Variants in ARHGEF38 observed in about 807,000 individuals in gnomAD.
ARHGEF38 encodes the protein Rho guanine nucleotide exchange factor 38, also known as Rho guanine nucleotide exchange factor (GEF) 38.
A neutral mutation model predicts 79.9 loss-of-function variants in ARHGEF38; 79 were observed. The observed-to-expected ratio is 0.99, with a 90% confidence interval of 0.82 to 1.19. The LOEUF (loss-of-function observed/expected upper bound fraction) is 1.19. Among genes scored for constraint, ARHGEF38 ranks in the 50% most tolerant of loss-of-function variants. ARHGEF38 has a pLI of 0.00. For synonymous variants in ARHGEF38, 366 were observed against 328.3 expected (o/e 1.11, Z -1.24); for missense variants, 962 against 907.2 (o/e 1.06, Z -0.78).
intron 1 of ARHGEF38, among the ~76,000 whole-genome samples, chr4:105,574,639 A>G (rs1342595044): frequency 2.0e-5 from 3 of 151,708 alleles, no homozygotes; most frequent in Non-Finnish European, 2.9e-5. Context: ...TTCACCATTA[A>G]GTATGATGTT....
chr4:105,650,552 G>A (rs1396937053), intron 7 of ARHGEF38, among the ~76,000 whole-genome samples: 1 of 152,160 alleles, frequency 6.6e-6, no homozygotes, highest in African/African-American at 2.4e-5. Context: ...TCCCAACAGA[G>A]GTTCTGGTCT....
At position 105,613,347 on chromosome 4, in the gene ARHGEF38, T is replaced by TTGA. The variant is rs748906837; in HGVS notation, c.385-37_385-36insTGA. 47 of 1,604,542 alleles carry TTGA rather than the reference T, an allele frequency of 2.9e-5. No individual in the cohort carries two copies. In the African/African-American group the frequency reaches 5.6e-4, roughly 19 times the overall value. On this transcript the variant is annotated intron_variant, in intron 2 of 13. Transcript: ENST00000420470. ...GGAGGAGAAAACATCCTAAATACAGTGCTTCTCCATCAGCTCAATGTTTTT... is the reference window on the plus strand; with the variant it reads ...GGAGGAGAAAACATCCTAAATACAGTTGAGCTTCTCCATCAGCTCAATGTTTTT...
intron 1 of ARHGEF38, among the ~76,000 whole-genome samples, chr4:105,586,840 C>T (rs1460117503): frequency 6.6e-6 from 1 of 152,186 alleles, no homozygotes; most frequent in Non-Finnish European, 1.5e-5. Flanking sequence ...AGATTTCCTC[C>T]TGTGCTCTAT....
chr4:105,615,888 G>C (rs1728491583), intron 3 of ARHGEF38, among the ~76,000 whole-genome samples: 1 of 152,128 alleles, frequency 6.6e-6, no homozygotes, highest in Admixed American at 6.5e-5. Context: ...GATATGAACA[G>C]CTAGAAACTG....
chr4:105,646,404 A>G (rs1729841974), intron 6 of ARHGEF38, among the ~76,000 whole-genome samples: 1 of 152,240 alleles, frequency 6.6e-6, no homozygotes, highest in Admixed American at 6.5e-5. Context: ...TAAAATTCTA[A>G]TCTTCATTTA....
Position 105,654,148 on chromosome 4 carries a change from ACT to A in ARHGEF38, c.1095_1096del (p.Cys366SerfsTer28). The A allele has an allele frequency of 6.6e-7, 1 of 1,510,632 alleles. No homozygotes were observed. The highest frequency in any genetic ancestry group is 8.8e-7 in the Non-Finnish European group (1 of 1,129,984). 93.6% of individuals were successfully genotyped at this position (1,510,632 alleles called of 1,614,324 possible). On this transcript the variant is annotated frameshift_variant, in exon 8 of 14. Coordinates refer to ENST00000420470, the MANE Select transcript of ARHGEF38 (RefSeq NM_001242729.2). LOFTEE classifies it high-confidence loss of function. ...TVRLCVKNIS[L>X]CLQHIQDAMP... ...TGAGGCTTTGTGTGAAGAACATTTCACTCTGTCTTCAACACATACAGGTAGGT... is the reference window on the plus strand; with the variant it reads ...TGAGGCTTTGTGTGAAGAACATTTCACTGTCTTCAACACATACAGGTAGGT...
chr4:105,668,294 G>A (rs1037317812), intron 13 of ARHGEF38, among the ~76,000 whole-genome samples: 5 of 151,886 alleles, frequency 3.3e-5, no homozygotes, highest in Admixed American at 2.0e-4. Flanking sequence ...CAATTCTCCT[G>A]TCTCAGCCTC....
rs56406739 is a variant in ARHGEF38 at position 105,668,454 on chromosome 4, G to T, written c.2148+751G>T. ...TTTCCCTCACTGCACTAATGCAAAAGCTACTGGTACAATCTTTTTGCAAAA... is the reference window on the plus strand; with the variant it reads ...TTTCCCTCACTGCACTAATGCAAAATCTACTGGTACAATCTTTTTGCAAAA... On this transcript the variant is annotated intron_variant, in intron 13 of 13. Coordinates refer to ENST00000420470, the MANE Select transcript of ARHGEF38 (RefSeq NM_001242729.2). 1.3e-3 allele frequency among the ~76,000 whole-genome samples: 193 copies of T among 152,226 alleles called. 1 individual carries two copies. The highest frequency in any genetic ancestry group is 2.4e-3 in the Non-Finnish European group (161 of 68,020).
intron 3 of ARHGEF38, among the ~76,000 whole-genome samples, chr4:105,616,030 G>A (rs1274977581): frequency 2.6e-5 from 4 of 152,120 alleles, no homozygotes; most frequent in Admixed American, 1.3e-4. Context: ...GAGGCATGAA[G>A]CCATCGGGAT....
chr4:105,662,447 G>C (rs1730596737), intron 10 of ARHGEF38, among the ~76,000 whole-genome samples: 1 of 151,924 alleles, frequency 6.6e-6, no homozygotes, highest in African/African-American at 2.4e-5. Flanking sequence ...ATGACTTCTA[G>C]ATTTTGAATC....
At chr4:105,628,789 C>A (rs1366117450) in intron 3 of ARHGEF38, among the ~76,000 whole-genome samples, 1 of 152,028 alleles carries the variant, frequency 6.6e-6, no homozygotes, top group East Asian at 1.9e-4. Context: ...CATATAATCA[C>A]AGGAAAATCC....
chr4:105,665,885 A>G (rs550595174), intron 10 of ARHGEF38, among the ~76,000 whole-genome samples: 1 of 152,282 alleles, frequency 6.6e-6, no homozygotes, highest in Admixed American at 6.5e-5. Flanking sequence ...ACCACAAGGG[A>G]GGTACCTACT....
intron 1 of ARHGEF38, among the ~76,000 whole-genome samples, chr4:105,558,951 T>C (rs1240443452): frequency 6.7e-6 from 1 of 149,760 alleles, no homozygotes; most frequent in African/African-American, 2.5e-5. Flanking sequence ...CAAGAATGAA[T>C]AGAAATATAC....
intron 7 of ARHGEF38, among the ~76,000 whole-genome samples, chr4:105,649,680 T>C (rs757499297): frequency 6.6e-6 from 1 of 152,188 alleles, no homozygotes; most frequent in African/African-American, 2.4e-5. Context: ...GTGGTTCATG[T>C]TGGTTTCAGA....
chr4:105,668,250 C>T (rs1353438645), intron 13 of ARHGEF38, among the ~76,000 whole-genome samples: 1 of 151,710 alleles, frequency 6.6e-6, no homozygotes, highest in East Asian at 1.9e-4. Flanking sequence ...GGCGCAATCT[C>T]GGCTCACTGC....
rs185143741 is a variant in ARHGEF38 at position 105,649,896 on chromosome 4, T to C, written c.1008+1214T>C. 5.3e-4 allele frequency among the ~76,000 whole-genome samples: 80 copies of C among 152,340 alleles called. 1 individual carries two copies. Among genetic ancestry groups the C allele is most frequent in the Admixed American group, 4.6e-4 (7 of 15,300 alleles). Reference sequence around the variant, plus strand: ...CTTTGAAGTTATCCAAACCTGGGTTTGAACCCTACCTCTGCCACTTAGTAA... The same window carrying C: ...CTTTGAAGTTATCCAAACCTGGGTTCGAACCCTACCTCTGCCACTTAGTAA... On this transcript the variant is annotated intron_variant, in intron 7 of 13. Transcript: ENST00000420470.
chr4:105,625,926 T>C (rs1728928052), intron 3 of ARHGEF38, among the ~76,000 whole-genome samples: 1 of 152,166 alleles, frequency 6.6e-6, no homozygotes, highest in Non-Finnish European at 1.5e-5. Flanking sequence ...CTCAGGCTTC[T>C]CTGCAGTCTC....
intron 4 of ARHGEF38, 89 bp from the exon 5 acceptor site, chr4:105,636,314 T>G (rs926505864): frequency 4.6e-6 from 1 of 215,826 alleles, no homozygotes; most frequent in African/African-American, 2.3e-5. Flanking sequence ...TTATTTTACA[T>G]AAGAAAATTT....
rs796653791 is a variant in ARHGEF38, at chr4:105,667,442, A to T, written c.1889-2A>T. The T allele has an allele frequency of 1.3e-6, 2 of 1,536,030 alleles. No individual in the cohort carries two copies. Among genetic ancestry groups the T allele is most frequent in the South Asian group, 2.4e-5 (2 of 84,048 alleles). ...TCTTCTTTCTTTTTATTTCCTATCC[A>T]GATGTGAAAGGATATGTTTATTCCT... is the stretch of plus-strand genomic sequence containing the variant. On this transcript the variant is annotated splice_acceptor_variant, in intron 12 of 13. Coordinates refer to ENST00000420470, the MANE Select transcript of ARHGEF38 (RefSeq NM_001242729.2). LOFTEE classifies it high-confidence loss of function.
Sources: allele counts gnomAD v4.1 joint callset (sites outside exome capture counted in the v4.1 genomes callset), GRCh38; gene constraint gnomAD v4.1.1; transcripts MANE v1.5; gene names NCBI Gene and HGNC (gene_info 2026-07-23, HGNC 2026-07-21).